The following RSRC1 variants were observed in gnomAD, a reference collection of about 807,000 sequenced individuals.
RSRC1 encodes serine/Arginine-related protein 53.
A neutral mutation model predicts 49.1 loss-of-function variants in RSRC1; 39 were observed. The observed-to-expected ratio is 0.79, with a 90% confidence interval of 0.61 to 1.04. RSRC1 has a LOEUF of 1.04. RSRC1 is among the 50% of genes least tolerant of loss of function. RSRC1 has a pLI of 0.00. For missense variants in RSRC1, 388 were observed against 402.4 expected, an observed-to-expected ratio of 0.96 and a Z score of 0.31; for synonymous variants, 143 against 130.8, an observed-to-expected ratio of 1.09 and a Z score of -0.63.
At chr3:158,422,416 T>G (rs1487980808) in intron 6 of RSRC1, among the ~76,000 whole-genome samples, 7 of 151,916 alleles carry the variant, frequency 4.6e-5, no homozygotes, top group Non-Finnish European at 8.8e-5. Flanking sequence ...CATCATTTTT[T>G]ATGGCTGCAT....
intron 2 of RSRC1, among the ~76,000 whole-genome samples, chr3:158,123,397 C>G (rs956919404): frequency 6.6e-6 from 1 of 152,010 alleles, no homozygotes; most frequent in South Asian, 2.1e-4. Flanking sequence ...CTCAAGGGAT[C>G]CTCCCACCTC....
chr3:158,459,778 T>C (rs1169550760), intron 6 of RSRC1, among the ~76,000 whole-genome samples: 2 of 151,972 alleles, frequency 1.3e-5, no homozygotes, highest in Non-Finnish European at 2.9e-5. Context: ...TATAAAAGCT[T>C]GTAAATGGAA....
At chr3:158,334,702 G>A (rs1397327626) in intron 5 of RSRC1, among the ~76,000 whole-genome samples, 1 of 138,860 alleles carries the variant, frequency 7.2e-6, no homozygotes, top group Non-Finnish European at 1.6e-5. Context: ...TTGTGTTTTA[G>A]TAGAGACAGG....
intron 8 of RSRC1, among the ~76,000 whole-genome samples, chr3:158,541,047 T>C (rs1713004886): frequency 6.6e-6 from 1 of 152,200 alleles, no homozygotes; most frequent in African/African-American, 2.4e-5. Flanking sequence ...GTGGCTGTGT[T>C]AAGGAAGAAA....
chr3:158,194,765 C>T lies in RSRC1; in HGVS notation c.321-8307C>T, dbSNP rs139987211. 2.2e-3 allele frequency among the ~76,000 whole-genome samples: 327 copies of T among 150,530 alleles called. 4 individuals carry two copies. The highest frequency in any genetic ancestry group is 7.5e-3 in the African/African-American group (309 of 40,964). ...TGTGCTGTTTGGTTTTTTGTCCTTG[C>T]GATAATTTGCTGAGAATGATGGTTT... On this transcript the variant is annotated intron_variant, in intron 3 of 9. Transcript: ENST00000611884.
At chr3:158,255,330 C>T in intron 4 of RSRC1, among the ~76,000 whole-genome samples, 1 of 152,102 alleles carries the variant, frequency 6.6e-6, no homozygotes, top group East Asian at 1.9e-4. Flanking sequence ...GAATCCTTTC[C>T]CCATTGCTTG....
chr3:158,169,012 TATA>T (rs1718702188), intron 3 of RSRC1, among the ~76,000 whole-genome samples: 1 of 152,084 alleles, frequency 6.6e-6, no homozygotes, highest in African/African-American at 2.4e-5. Context: ...TCCCGCTCCC[TATA>T]ATAACAGCCA....
chr3:158,240,815 A>G (rs1186813754), intron 4 of RSRC1, among the ~76,000 whole-genome samples: 1 of 152,200 alleles, frequency 6.6e-6, no homozygotes, highest in Non-Finnish European at 1.5e-5. Flanking sequence ...TTCATGCTGT[A>G]TGTGCTACCA....
chr3:158,450,918 A>G (rs1057116627), intron 6 of RSRC1, among the ~76,000 whole-genome samples: 3 of 151,554 alleles, frequency 2.0e-5, no homozygotes, highest in Non-Finnish European at 4.4e-5. Context: ...GTTGTTTTCT[A>G]TTGTTATTTG....
At chr3:158,166,289 A>C (rs1445369594) in intron 3 of RSRC1, among the ~76,000 whole-genome samples, 1 of 151,860 alleles carries the variant, frequency 6.6e-6, no homozygotes, top group South Asian at 2.1e-4. Flanking sequence ...AATTGATATA[A>C]AGTTTTTTAA....
At chr3:158,394,315 AAAAG>A (rs1733488826) in intron 6 of RSRC1, among the ~76,000 whole-genome samples, 1 of 152,152 alleles carries the variant, frequency 6.6e-6, no homozygotes, top group Admixed American at 6.5e-5. Flanking sequence ...GCAATTAAGC[AAAAG>A]AAAGAAAAAA....
At chr3:158,269,998 A>G (rs2108052820) in intron 4 of RSRC1, among the ~76,000 whole-genome samples, 1 of 152,280 alleles carries the variant, frequency 6.6e-6, no homozygotes, top group African/African-American at 2.4e-5. Context: ...GTAAGTTAGA[A>G]GCTGTATTTC....
At chr3:158,230,290 A>G (rs1055803789) in intron 4 of RSRC1, among the ~76,000 whole-genome samples, 2 of 152,158 alleles carry the variant, frequency 1.3e-5, no homozygotes, top group African/African-American at 4.8e-5. Flanking sequence ...CATATCAGAA[A>G]TCACAGGATG....
At chr3:158,439,108 A>C (rs1174291947) in intron 6 of RSRC1, among the ~76,000 whole-genome samples, 2 of 152,196 alleles carry the variant, frequency 1.3e-5, no homozygotes, top group Non-Finnish European at 2.9e-5. Context: ...TCAAAACCAC[A>C]ATGAGATACC....
intron 6 of RSRC1, among the ~76,000 whole-genome samples, chr3:158,371,980 A>G (rs1370990377): frequency 6.6e-6 from 1 of 150,626 alleles, no homozygotes; most frequent in Non-Finnish European, 1.5e-5. Flanking sequence ...TCTTAATGTG[A>G]TTATTTACCA....
chr3:158,367,957 C>T (rs778954147), intron 6 of RSRC1, among the ~76,000 whole-genome samples: 1 of 151,918 alleles, frequency 6.6e-6, no homozygotes, highest in African/African-American at 2.4e-5. Context: ...AATTGCTTTA[C>T]TTAAAAAGTG....
chr3:158,207,546 G>T (rs1389631444), intron 4 of RSRC1, among the ~76,000 whole-genome samples: 1 of 152,094 alleles, frequency 6.6e-6, no homozygotes, highest in African/African-American at 2.4e-5. Flanking sequence ...CATTGTGATT[G>T]TGCAGTGCAT....
intron 5 of RSRC1, among the ~76,000 whole-genome samples, chr3:158,349,691 CTTTTTTTT>C (rs775736592): frequency 1.3e-5 from 1 of 74,852 alleles, no homozygotes; most frequent in African/African-American, 5.6e-5. Context: ...TCTTACTGCC[CTTTTTTTT>C]TTTTTTTTTT....
chr3:158,512,834 C>A (rs1740267629), intron 7 of RSRC1, among the ~76,000 whole-genome samples: 1 of 150,784 alleles, frequency 6.6e-6, no homozygotes, highest in Non-Finnish European at 1.5e-5. Flanking sequence ...CCTTCACATC[C>A]CTTGTAAGTT....
Sources: gnomAD v4.1 joint callset for allele counts (sites outside exome capture counted in the v4.1 genomes callset) on GRCh38, gnomAD v4.1.1 for gene constraint, MANE v1.5 for transcripts, NCBI Gene and HGNC (gene_info 2026-07-23, HGNC 2026-07-21) for gene names.